UBR3: variants seen among roughly 807,000 people sequenced by gnomAD.
UBR3 encodes E3 ubiquitin-protein ligase UBR3.
In UBR3, 85 loss-of-function variants were observed where a neutral mutation model predicts 243.2. The ratio of observed to expected loss-of-function variants is 0.35; its 90% CI spans 0.29 to 0.42. UBR3 has a LOEUF of 0.42. Among genes scored for constraint, UBR3 ranks in the 10% least tolerant of loss-of-function variants. The probability of loss-of-function intolerance (pLI) is 1.00; values close to 1 mark genes in which losing one functional copy is unlikely to be tolerated. For missense variants in UBR3, 1,686 were observed against 2,300.8 expected (o/e 0.73, Z 5.47); for synonymous variants, 748 against 799.8 (o/e 0.94, Z 1.09).
chr2:170,027,866 A>G (rs1434939642), intron 30 of UBR3, among the ~76,000 whole-genome samples: 1 of 151,916 alleles, frequency 6.6e-6, no homozygotes, highest in Non-Finnish European at 1.5e-5. Context: ...TGTTCTCAGT[A>G]TCATCTACGA....
In UBR3 at chr2:169,890,536, GAGAGATATAT is replaced by G. The variant is rs149147743; in HGVS notation, c.1039-627_1039-618del. Reference sequence around the variant, plus strand: ...GCGAGGTTTTTCTAGGAGAGAGAGAGAGAGATATATATATATATATATATATATGTGTATA... The same window carrying G: ...GCGAGGTTTTTCTAGGAGAGAGAGAGATATATATATATATATATGTGTATA... On this transcript the variant is annotated intron_variant, in intron 5 of 38. Transcript: ENST00000272793. 2.1e-3 allele frequency among the ~76,000 whole-genome samples: 113 copies of G among 53,628 alleles called. 2 individuals carry two copies. The highest frequency in any genetic ancestry group is 0.01 in the Middle Eastern group (1 of 100). The allele number at this position is 53,628 out of a possible 152,430, so 35.2% of individuals were successfully genotyped here.
intron 11 of UBR3, among the ~76,000 whole-genome samples, chr2:169,917,049 A>G (rs1170394657): frequency 6.6e-6 from 1 of 151,996 alleles, no homozygotes; most frequent in Non-Finnish European, 1.5e-5. Flanking sequence ...TGTTATCTTT[A>G]ATTCTAATCC....
At chr2:170,064,200 T>C (rs1220005916) in intron 35 of UBR3, among the ~76,000 whole-genome samples, 1 of 152,230 alleles carries the variant, frequency 6.6e-6, no homozygotes, top group Non-Finnish European at 1.5e-5. Context: ...GTTTCTGTGA[T>C]TATCTTCATT....
At chr2:169,854,069 T>G (rs1340981099) in intron 1 of UBR3, among the ~76,000 whole-genome samples, 2 of 152,016 alleles carry the variant, frequency 1.3e-5, no homozygotes, top group Non-Finnish European at 2.9e-5. Context: ...ACCTAATGCA[T>G]GCGGGGCTTA....
intron 8 of UBR3, among the ~76,000 whole-genome samples, 161 bp downstream of exon 8, chr2:169,896,896 C>A (rs1175389493): frequency 6.6e-6 from 1 of 151,926 alleles, no homozygotes; most frequent in East Asian, 1.9e-4. Flanking sequence ...CTTGAAAACA[C>A]CTTATGTTTA....
At position 170,067,628 on chromosome 2, in the gene UBR3, C is replaced by G. The variant is rs140175859; in HGVS notation, c.5020-5800C>G. Among the ~76,000 whole-genome samples the G allele has an allele frequency of 5.7e-3, 873 of 152,128 alleles. 7 individuals are homozygous for G. Among genetic ancestry groups the G allele is most frequent in the African/African-American group, 0.02 (824 of 41,490 alleles). On this transcript the variant is annotated intron_variant, in intron 35 of 38. Transcript: ENST00000272793. ...TGTCAAGCCGTAAAGTATCAATTTT[C>G]AAAGAAGTGAGTTATAAAGTGTGTT...
At chr2:169,869,628 G>GT (rs1413763095) in intron 1 of UBR3, among the ~76,000 whole-genome samples, 1 of 152,138 alleles carries the variant, frequency 6.6e-6, no homozygotes, top group African/African-American at 2.4e-5. Flanking sequence ...GTAATGAACT[G>GT]TAAGTAACTG....
chr2:169,884,465 T>G (rs915083530), intron 5 of UBR3, among the ~76,000 whole-genome samples: 1 of 152,218 alleles, frequency 6.6e-6, no homozygotes, highest in Non-Finnish European at 1.5e-5. Flanking sequence ...GACTTTTAAC[T>G]TTGTAAAGCA....
At chr2:169,970,234 G>GTT (rs2088049396) in intron 24 of UBR3, among the ~76,000 whole-genome samples, 1 of 100,496 alleles carries the variant, frequency 1.0e-5, no homozygotes, top group African/African-American at 4.4e-5. Context: ...CTTGTTCCTA[G>GTT]GTTTTTTTTT....
At chr2:170,041,051 G>A (rs2090955943) in intron 32 of UBR3, 66 bp downstream of exon 32, 5 of 1,452,072 alleles carry the variant, frequency 3.4e-6, no homozygotes, top group African/African-American at 1.4e-5. Context: ...AGAGATTATA[G>A]AGACAAATAG....
chr2:169,975,608 G>A (rs1241176316), intron 24 of UBR3, among the ~76,000 whole-genome samples: 1 of 152,102 alleles, frequency 6.6e-6, no homozygotes, highest in East Asian at 1.9e-4. Flanking sequence ...TATTTGCTTT[G>A]TGTATTTGGG....
chr2:169,936,776 G>A (rs766431390), intron 19 of UBR3, among the ~76,000 whole-genome samples: 1 of 151,988 alleles, frequency 6.6e-6, no homozygotes, highest in Non-Finnish European at 1.5e-5. Context: ...GCGGTGTTTG[G>A]TTTTCTGTCC....
At chr2:169,965,830 T>A (rs1434029400) in intron 24 of UBR3, among the ~76,000 whole-genome samples, 2 of 152,190 alleles carry the variant, frequency 1.3e-5, no homozygotes, top group East Asian at 1.9e-4. Flanking sequence ...ACTGAAACCA[T>A]GGAAAGTGAA....
chr2:170,073,553 T>C lies in UBR3; in HGVS notation c.5145T>C (p.Thr1715=). ...DWPVPAFDII[T]QWCFEIKSFT... is the part of the protein sequence containing the mutation. Reference sequence around the variant, plus strand: ...CAGTTCCAGCATTTGATATTATAACTCAGTGGTGTTTTGAGATAAAATCAT... The same window carrying C: ...CAGTTCCAGCATTTGATATTATAACCCAGTGGTGTTTTGAGATAAAATCAT... The change falls in exon 36 of 39, where the codon ACT becomes ACC. Residue 1715 remains threonine (T), a synonymous_variant. Coordinates refer to ENST00000272793, the MANE Select transcript of UBR3 (RefSeq NM_172070.4). 1 of 1,613,592 alleles carries C rather than the reference T, an allele frequency of 6.2e-7. No individual in the cohort carries two copies. The highest frequency in any genetic ancestry group is 8.5e-7 in the Non-Finnish European group (1 of 1,179,698).
At chr2:169,926,617 A>T (rs2085920502) in intron 14 of UBR3, 75 bp from the exon 15 acceptor site, 10 of 1,412,930 alleles carry the variant, frequency 7.1e-6, no homozygotes, top group Non-Finnish European at 8.6e-6. Context: ...AACAAAAAAA[A>T]GTATAGAAAA....
chr2:169,868,538 T>G (rs1018920989), intron 1 of UBR3, among the ~76,000 whole-genome samples: 19 of 152,336 alleles, frequency 1.2e-4, no homozygotes, highest in African/African-American at 4.6e-4. Context: ...CTTGAACTCC[T>G]GACATCAAGT....
intron 35 of UBR3, among the ~76,000 whole-genome samples, chr2:170,072,956 C>T (rs995046841): frequency 6.6e-6 from 1 of 152,094 alleles, no homozygotes; most frequent in Non-Finnish European, 1.5e-5. Flanking sequence ...ATTCCACCCC[C>T]CTTTTTAAAA....
chr2:169,964,937 C>T (rs770257565), intron 24 of UBR3: 6 of 456,866 alleles, frequency 1.3e-5, no homozygotes, highest in Non-Finnish European at 2.6e-5. Context: ...TTCTCCCAGT[C>T]TCGGTTCTTG....
chr2:169,911,563 G>T (rs2085255433), intron 10 of UBR3, among the ~76,000 whole-genome samples: 1 of 152,008 alleles, frequency 6.6e-6, no homozygotes. Context: ...TGGTAGTAGT[G>T]GGAAAATAGG....
Sources: allele counts gnomAD v4.1 joint callset (sites outside exome capture counted in the v4.1 genomes callset), GRCh38; gene constraint gnomAD v4.1.1; transcripts MANE v1.5; gene names NCBI Gene and HGNC (gene_info 2026-07-23, HGNC 2026-07-21).